The following MCFD2 variants were observed in gnomAD, a reference collection of about 807,000 sequenced individuals.
MCFD2 encodes multiple coagulation factor deficiency protein 2.
A neutral mutation model predicts 12.8 loss-of-function variants in MCFD2; 11 were observed. That is an observed-to-expected ratio of 0.86 (90% CI 0.54 to 1.42). The LOEUF (loss-of-function observed/expected upper bound fraction) is 1.42, where lower values mean the gene tolerates loss of function less well. Among genes scored for constraint, MCFD2 ranks in the 40% most tolerant of loss-of-function variants. The probability of loss-of-function intolerance (pLI) is 0.00; values close to 1 mark genes in which losing one functional copy is unlikely to be tolerated. For missense variants in MCFD2, 191 were observed against 178.6 expected (o/e 1.07, Z -0.40); for synonymous variants, 70 against 68.1 (o/e 1.03, Z -0.14).
intron 3 of MCFD2, chr2:46,906,954 T>G (rs1045762944): frequency 6.6e-6 from 1 of 152,254 alleles, no homozygotes; most frequent in Non-Finnish European, 1.5e-5. Flanking sequence ...TCCTCCTACT[T>G]CAGCATCATG....
chr2:46,907,834 TGTGGAGA>T lies in MCFD2; in HGVS notation c.278_284del (p.Leu93GlnfsTer17). The T allele has an allele frequency of 6.2e-7, 1 of 1,614,226 alleles. No homozygotes were observed. The highest frequency in any genetic ancestry group is 8.5e-7 in the Non-Finnish European group (1 of 1,180,036). On this transcript the variant is annotated frameshift_variant, in exon 3 of 4. Transcript: ENST00000319466. LOFTEE classifies it high-confidence loss of function. This position sits in a 1 kb window ranked among gnomAD's most constrained non-coding sequence, Gnocchi z 4.1. ...CCTCCTTATGGACATGAGTGATGGC[TGTGGAGA>T]GTTCTAAGCCATCAAGCAAATTATT...
intron 1 of MCFD2, among the ~76,000 whole-genome samples, chr2:46,934,721 C>T (rs1669878362): frequency 6.8e-6 from 1 of 147,616 alleles, no homozygotes; most frequent in Non-Finnish European, 1.5e-5. Context: ...ACCCGCACTT[C>T]AAAACCATCA....
At chr2:46,928,770 A>G (rs1245033818) in intron 1 of MCFD2, among the ~76,000 whole-genome samples, 1 of 144,636 alleles carries the variant, frequency 6.9e-6, no homozygotes, top group Non-Finnish European at 1.5e-5. Flanking sequence ...GTTTCAAAAG[A>G]AAAAAAAAAA....
intron 1 of MCFD2, among the ~76,000 whole-genome samples, chr2:46,911,649 T>A (rs78662620): frequency 0.028 from 4,179 of 151,842 alleles, 114 homozygotes; most frequent in African/African-American, 0.067. Context: ...TCAGCCGGCA[T>A]GGTGGCTCGT....
In MCFD2 at chr2:46,934,793, T is replaced by C. The variant is rs1405980171; in HGVS notation, c.-8+6779A>G. On this transcript the variant is annotated intron_variant, in intron 1 of 2. Coordinates refer to the MCFD2 transcript ENST00000409147. ...AGGTATGAAGACTACTGCTCTTTTT[T>C]TTTTTTTTTTTTTTTTTTTTTTTTT... is the stretch of plus-strand genomic sequence containing the variant. Among the ~76,000 whole-genome samples, 101 of 100,350 alleles carry C rather than the reference T, an allele frequency of 1.0e-3. 3 individuals are homozygous for C. Among genetic ancestry groups the C allele is most frequent in the South Asian group, 1.9e-3 (5 of 2,570 alleles). 65.8% of individuals were successfully genotyped at this position (100,350 alleles called of 152,430 possible). A position where few individuals can be genotyped will look rare whatever the true frequency, so the allele number is the denominator to read the frequency against.
At chr2:46,932,374 C>T (rs777961875) in intron 1 of MCFD2, among the ~76,000 whole-genome samples, 1 of 152,120 alleles carries the variant, frequency 6.6e-6, no homozygotes, top group Non-Finnish European at 1.5e-5. Context: ...GTCTCAAACT[C>T]TTGACCTCAT....
At chr2:46,919,458 G>T (rs796233607), upstream of MCFD2, among the ~76,000 whole-genome samples, 1 of 152,180 alleles carries the variant, frequency 6.6e-6, no homozygotes, top group Admixed American at 6.5e-5. Context: ...GCTTGAACCC[G>T]GGCAGCAGAG....
chr2:46,928,081 G>C (rs1160907544), intron 1 of MCFD2, among the ~76,000 whole-genome samples: 1 of 151,062 alleles, frequency 6.6e-6, no homozygotes, highest in Admixed American at 6.6e-5. Context: ...TTGTAGAGAC[G>C]GGTTTTTGCC....
intron 1 of MCFD2, among the ~76,000 whole-genome samples, chr2:46,934,894 G>A (rs182619812): frequency 0.01 from 1,447 of 142,834 alleles, 29 homozygotes; most frequent in African/African-American, 0.035. Context: ...TCCGCCTCCC[G>A]GGTTCAAGCG....
At chr2:46,917,192 C>A, upstream of MCFD2, 1 of 701,564 alleles carries the variant, frequency 1.4e-6, no homozygotes, top group Admixed American at 2.0e-5. Flanking sequence ...AGAAAAGAGT[C>A]TCCATGGTGC....
At chr2:46,913,523 C>T (rs1053133681) in intron 1 of MCFD2, among the ~76,000 whole-genome samples, 6 of 152,230 alleles carry the variant, frequency 3.9e-5, no homozygotes, top group African/African-American at 1.4e-4. Context: ...ACTCCCTCTA[C>T]CCAAATAACA....
chr2:46,918,997 T>G (rs953397060), upstream of MCFD2, among the ~76,000 whole-genome samples: 5 of 152,200 alleles, frequency 3.3e-5, no homozygotes, highest in Non-Finnish European at 5.9e-5. Context: ...GAGAGGTGGC[T>G]TTATCAGGAG....
upstream of MCFD2, chr2:46,916,101 G>A (rs1209623620): frequency 4.1e-6 from 4 of 985,466 alleles, no homozygotes; most frequent in South Asian, 4.7e-5. Context: ...GGCGACGTAG[G>A]ATGGCGGATC....
Position 46,932,211 on chromosome 2 carries a change from G to A in MCFD2, c.-8+9361C>T, listed in dbSNP as rs149425105. Among the ~76,000 whole-genome samples, 1,427 of 151,562 alleles carry A rather than the reference G, an allele frequency of 9.4e-3. 16 individuals are homozygous for A. The highest frequency in any genetic ancestry group is 0.033 in the African/African-American group (1,345 of 41,288). ...GTCACCCAGGCTGGAGTGCAGTGGC[G>A]GGGTCTTGGCTCACTGCAACCTCTT... On this transcript the variant is annotated intron_variant, in intron 1 of 2. Coordinates refer to the MCFD2 transcript ENST00000409147.
At chr2:46,917,399 C>G (rs1182895870), upstream of MCFD2, 1 of 569,548 alleles carries the variant, frequency 1.8e-6, no homozygotes, top group Non-Finnish European at 3.1e-6. Flanking sequence ...TCCTTCTACC[C>G]TGCATCTGCC....
chr2:46,915,805 C>CGGGGGGGGGGGGGGGGGGGGGGGGGGGG lies in MCFD2; in HGVS notation c.-90_-89insCCCCCCCCCCCCCCCCCCCCCCCCCCCC. 1.4e-5 allele frequency: 5 copies of CGGGGGGGGGGGGGGGGGGGGGGGGGGGG among 368,316 alleles called. No homozygotes were observed. Among genetic ancestry groups the CGGGGGGGGGGGGGGGGGGGGGGGGGGGG allele is most frequent in the Non-Finnish European group, 1.5e-5 (5 of 327,196 alleles). The allele number at this position is 368,316 out of a possible 1,614,324, so 22.8% of individuals were successfully genotyped here. A position where few individuals can be genotyped will look rare whatever the true frequency, so the allele number is the denominator to read the frequency against. On this transcript the variant is annotated 5_prime_UTR_variant, in exon 1 of 4. Transcript: ENST00000319466. ...TCCCCAAAACGCTCTTCCTCGGCTT[C>CGGGGGGGGGGGGGGGGGGGGGGGGGGGG]GCCCCGCCCCCCCCCCCCCCCCGAC...
Position 46,908,629 on chromosome 2 carries a change from A to C in MCFD2, c.149+394T>G. On this transcript the variant is annotated intron_variant, in intron 2 of 3. Coordinates refer to ENST00000319466, the MANE Select transcript of MCFD2 (RefSeq NM_139279.6). The surrounding 1 kb of genome is among the most constrained non-coding windows in gnomAD (Gnocchi z 4.5). ...CTGGCCCAAGACAAAAGCTGCAACA[A>C]ATGATTCAATGTTTGAATGTGTTGA... is the stretch of plus-strand genomic sequence containing the variant. The C allele has an allele frequency of 3.2e-6, 1 of 315,088 alleles. No individual in the cohort carries two copies. The highest frequency in any genetic ancestry group is 6.1e-6 in the Non-Finnish European group (1 of 163,180). 19.5% of individuals were successfully genotyped at this position (315,088 alleles called of 1,614,324 possible).
intron 1 of MCFD2, among the ~76,000 whole-genome samples, chr2:46,927,429 T>C (rs1669447725): frequency 6.7e-6 from 1 of 150,224 alleles, no homozygotes; most frequent in African/African-American, 2.5e-5. Context: ...TGATCTCGGC[T>C]CACTGCAGGC....
chr2:46,939,124 T>A (rs1670126349), intron 1 of MCFD2, among the ~76,000 whole-genome samples: 2 of 151,500 alleles, frequency 1.3e-5, no homozygotes, highest in African/African-American at 4.9e-5. Context: ...AACAAAATAA[T>A]AAATTAAAAA....
Sources: allele counts gnomAD v4.1 joint callset (sites outside exome capture counted in the v4.1 genomes callset), GRCh38; gene constraint gnomAD v4.1.1; non-coding constraint Gnocchi (gnomAD v3.1); transcripts MANE v1.5; gene names NCBI Gene and HGNC (gene_info 2026-07-23, HGNC 2026-07-21).